Variants in RARB observed in about 807,000 individuals in gnomAD.
The protein encoded by RARB is retinoic acid receptor beta, also known as HBV-activated protein.
A neutral mutation model predicts 51.9 loss-of-function variants in RARB; 17 were observed. That is an observed-to-expected ratio of 0.33 (90% CI 0.22 to 0.49). The LOEUF is 0.49. Among genes scored for constraint, RARB ranks in the 20% least tolerant of loss-of-function variants. The pLI, the probability that RARB is intolerant of heterozygous loss-of-function variation, is 0.99. For synonymous variants in RARB, 215 were observed against 195.4 expected, an observed-to-expected ratio of 1.10 and a Z score of -0.84; for missense variants, 369 against 550.8, an observed-to-expected ratio of 0.67 and a Z score of 3.30.
intron 1 of RARB, chr3:25,441,558 T>G (rs1208949312): frequency 6.5e-6 from 1 of 153,970 alleles, no homozygotes; most frequent in Non-Finnish European, 1.5e-5. Flanking sequence ...CTCCTTACTT[T>G]CCCCCTTCTC....
At chr3:25,135,624 C>G (rs943305710) in intron 4 of RARB, among the ~76,000 whole-genome samples, 9 of 151,850 alleles carry the variant, frequency 5.9e-5, no homozygotes, top group African/African-American at 2.2e-4. Flanking sequence ...GCCAGAAAAG[C>G]CAGAAACACA....
intron 5 of RARB, among the ~76,000 whole-genome samples, chr3:25,393,709 A>T (rs957898483): frequency 6.6e-6 from 1 of 152,104 alleles, no homozygotes; most frequent in Admixed American, 6.6e-5. Flanking sequence ...GAAGGTGTTC[A>T]TAGTAGCCTT....
intron 1 of RARB, among the ~76,000 whole-genome samples, chr3:25,432,207 GAAAA>G (rs1263001496): frequency 1.3e-5 from 2 of 151,884 alleles, no homozygotes; most frequent in African/African-American, 4.8e-5. Flanking sequence ...CTTCCTTGTA[GAAAA>G]AAAGAAATCA....
At chr3:25,302,192 C>G (rs1262212877) in intron 5 of RARB, among the ~76,000 whole-genome samples, 1 of 152,170 alleles carries the variant, frequency 6.6e-6, no homozygotes, top group African/African-American at 2.4e-5. Flanking sequence ...TTATAAAATG[C>G]TGCAATAGCT....
intron 5 of RARB, among the ~76,000 whole-genome samples, chr3:25,396,954 AGCCTCCCT>A (rs2125491418): frequency 6.6e-6 from 1 of 152,270 alleles, no homozygotes; most frequent in Admixed American, 6.5e-5. Context: ...CCAGGCTACA[AGCCTCCCT>A]GCTAAGAAAG....
intron 5 of RARB, among the ~76,000 whole-genome samples, chr3:25,293,898 T>C (rs1203538454): frequency 6.6e-6 from 1 of 152,200 alleles, no homozygotes; most frequent in Non-Finnish European, 1.5e-5. Context: ...CAATTTCACA[T>C]GTGTCGTAAC....
intron 5 of RARB, among the ~76,000 whole-genome samples, chr3:25,581,319 G>A (rs1487621316): frequency 2.0e-5 from 3 of 152,144 alleles, no homozygotes; most frequent in African/African-American, 7.2e-5. Context: ...CCTATGTTCT[G>A]ATGCATCCCT....
intron 2 of RARB, among the ~76,000 whole-genome samples, chr3:24,883,356 T>TTGTGTGTGTGTGTGTGTG (rs3057218): frequency 5.4e-4 from 77 of 143,668 alleles, no homozygotes; most frequent in Admixed American, 1.5e-3. Flanking sequence ...TCAACAATCA[T>TTGTGTGTGTGTGTGTGTG]TGTGTGTGTG....
chr3:25,081,657 A>T, intron 3 of RARB, among the ~76,000 whole-genome samples: 1 of 55,710 alleles, frequency 1.8e-5, no homozygotes, highest in African/African-American at 7.6e-5. Context: ...TTTGAGATGG[A>T]GTCTCACTCT....
At chr3:25,283,527 A>T (rs1703575463) in intron 5 of RARB, among the ~76,000 whole-genome samples, 1 of 152,226 alleles carries the variant, frequency 6.6e-6, no homozygotes, top group African/African-American at 2.4e-5. Flanking sequence ...AAATTAAAAC[A>T]TAATACCTGA....
At chr3:25,289,137 C>T (rs1280957018) in intron 5 of RARB, among the ~76,000 whole-genome samples, 3 of 152,228 alleles carry the variant, frequency 2.0e-5, no homozygotes, top group African/African-American at 7.2e-5. Flanking sequence ...TTAGAGCCAA[C>T]TTCAATTTCA....
chr3:25,379,247 A>G (rs1417425072), intron 5 of RARB, among the ~76,000 whole-genome samples: 1 of 152,220 alleles, frequency 6.6e-6, no homozygotes, highest in East Asian at 1.9e-4. Context: ...TAGGGCATGG[A>G]AACATTTGTT....
intron 4 of RARB, among the ~76,000 whole-genome samples, chr3:25,580,093 G>C (rs1176406891): frequency 2.6e-5 from 4 of 152,220 alleles, no homozygotes; most frequent in African/African-American, 7.2e-5. Flanking sequence ...GGATGAATCC[G>C]ACCGGACACA....
In RARB at chr3:25,326,828, ATT is replaced by A. The variant is rs58932403; in HGVS notation, c.179-134355_179-134354del. The stretch of plus-strand genomic sequence containing the variant: ...AAATGTAGGATAAAAAGACACAGGG[ATT>A]TTTTTTTTTAATTTTATTATTATTA... On this transcript the variant is annotated intron_variant, in intron 5 of 11. Transcript: ENST00000383772. Among the ~76,000 whole-genome samples, 43 of 150,890 alleles carry A rather than the reference ATT, an allele frequency of 2.8e-4. 1 individual carries two copies. Among genetic ancestry groups the A allele is most frequent in the African/African-American group, 7.3e-4 (30 of 41,100 alleles).
intron 2 of RARB, among the ~76,000 whole-genome samples, chr3:24,914,333 G>A (rs1695062000): frequency 6.6e-6 from 1 of 152,162 alleles, no homozygotes; most frequent in South Asian, 2.1e-4. Flanking sequence ...ACTCACTGAA[G>A]TTTCAAAGCT....
chr3:24,940,819 C>T lies in RARB; in HGVS notation c.-380+82067C>T, dbSNP rs115896703. Among the ~76,000 whole-genome samples, 611 of 152,268 alleles carry T rather than the reference C, an allele frequency of 4.0e-3. 5 individuals carry two copies. Among genetic ancestry groups the T allele is most frequent in the African/African-American group, 0.013 (552 of 41,546 alleles). Reference sequence around the variant, plus strand: ...TTCAGTCCCTTACTGACGTTGTCAACTTAGGCAAGTCAGTTAACTTTTTGA... The same window carrying T: ...TTCAGTCCCTTACTGACGTTGTCAATTTAGGCAAGTCAGTTAACTTTTTGA... On this transcript the variant is annotated intron_variant, in intron 2 of 11. Coordinates refer to the RARB transcript ENST00000383772.
intron 4 of RARB, among the ~76,000 whole-genome samples, chr3:25,167,417 TG>T (rs1485808161): frequency 6.6e-6 from 1 of 152,122 alleles, no homozygotes; most frequent in African/African-American, 2.4e-5. Context: ...ACAGCAAATG[TG>T]CAGTGTCAAA....
intron 5 of RARB, among the ~76,000 whole-genome samples, chr3:25,317,991 A>G (rs1248196335): frequency 6.6e-6 from 1 of 152,194 alleles, no homozygotes; most frequent in Non-Finnish European, 1.5e-5. Flanking sequence ...AACAACAGGC[A>G]TCCTATTGAA....
At chr3:25,167,208 T>C (rs1395482021) in intron 4 of RARB, among the ~76,000 whole-genome samples, 1 of 152,248 alleles carries the variant, frequency 6.6e-6, no homozygotes, top group Non-Finnish European at 1.5e-5. Flanking sequence ...CCCAAACTTA[T>C]TTGACCACAG....
Sources: gnomAD v4.1 joint callset for allele counts (sites outside exome capture counted in the v4.1 genomes callset) on GRCh38, gnomAD v4.1.1 for gene constraint, MANE v1.5 for transcripts, NCBI Gene and HGNC (gene_info 2026-07-23, HGNC 2026-07-21) for gene names.